Variants in CYREN observed in about 807,000 individuals in gnomAD.
CYREN encodes cell cycle regulator of NHEJ.
CYREN carries 7 observed loss-of-function variants against 9.7 expected under a neutral mutation model. The observed-to-expected ratio is 0.72, with a 90% CI of 0.41 to 1.36. The LOEUF is 1.36. CYREN is among the 40% of genes most tolerant of loss of function. CYREN has a pLI of 0.01. For synonymous variants in CYREN, 76 were observed against 77.9 expected (o/e 0.98, Z 0.13); for missense variants, 215 against 198.1 (o/e 1.09, Z -0.51).
chr7:135,129,052 G>A (rs1285649986), intron 2 of CYREN: 2 of 1,608,552 alleles, frequency 1.2e-6, no homozygotes, highest in Admixed American at 3.3e-5. Flanking sequence ...CAGGTTCAAT[G>A]CCTCAACTGC....
intron 2 of CYREN, chr7:135,168,070 GATGGCCGCCTCTGAAACACACAC>G: frequency 1.9e-6 from 1 of 529,056 alleles, no homozygotes; most frequent in Non-Finnish European, 3.4e-6. Flanking sequence ...AGTAGGGAAG[GATGGCCGCCTCTGAAACACACAC>G]ATGGATGCAA....
intron 2 of CYREN, among the ~76,000 whole-genome samples, chr7:135,125,634 G>A (rs1450363090): frequency 6.6e-6 from 1 of 152,124 alleles, no homozygotes; most frequent in East Asian, 1.9e-4. Context: ...ACATCAATAC[G>A]AAAATCCTCA....
intron 1 of CYREN, 159 bp downstream of exon 1, chr7:135,170,493 C>G (rs961892754): frequency 6.6e-6 from 1 of 152,374 alleles, no homozygotes; most frequent in Non-Finnish European, 1.5e-5. Context: ...CCGGGCAGGG[C>G]TGCAACGGCT....
intron 2 of CYREN, among the ~76,000 whole-genome samples, chr7:135,144,961 A>C (rs1252220856): frequency 6.8e-6 from 1 of 147,974 alleles, no homozygotes; most frequent in African/African-American, 2.5e-5. Flanking sequence ...AAAAAAAAAA[A>C]AAAAAAAAGA....
chr7:135,116,105 T>C (rs1413703392), intron 2 of CYREN, among the ~76,000 whole-genome samples: 1 of 152,190 alleles, frequency 6.6e-6, no homozygotes, highest in African/African-American at 2.4e-5. Flanking sequence ...CTGAAAATAA[T>C]AAATACAATA....
chr7:135,136,375 T>C (rs1013566815), intron 2 of CYREN, among the ~76,000 whole-genome samples: 1 of 152,102 alleles, frequency 6.6e-6, no homozygotes, highest in Non-Finnish European at 1.5e-5. Context: ...TAAAGGACCA[T>C]GACCATAGAT....
In CYREN at chr7:135,145,721, G is replaced by A. The variant is rs922024202; in HGVS notation, n.356+23028C>T. Among the ~76,000 whole-genome samples the A allele has an allele frequency of 4.6e-5, 7 of 152,238 alleles. No homozygotes were observed. The East Asian group carries it at 1.4e-3, about 29-fold the overall frequency. ...AAAAGTAATCTTAATTTTCTACATG[G>A]CTCAGCTGCTGTAAATGGTATTTAC... On this transcript the variant is annotated intron_variant and non_coding_transcript_variant, in intron 2 of 2. Transcript: ENST00000459937.
downstream of CYREN, chr7:135,165,484 G>A (rs1385605509): frequency 5.9e-6 from 1 of 170,314 alleles, no homozygotes; most frequent in Non-Finnish European, 1.4e-5. Context: ...GCCCACCATA[G>A]TGAGTGGGCC....
intron 2 of CYREN, among the ~76,000 whole-genome samples, chr7:135,104,646 T>C (rs1188080225): frequency 1.3e-5 from 2 of 152,238 alleles, no homozygotes; most frequent in South Asian, 2.1e-4. Flanking sequence ...TGGTATCTCA[T>C]TGTGGTTTTG....
downstream of CYREN, among the ~76,000 whole-genome samples, chr7:135,161,346 G>A (rs1267983791): frequency 6.6e-6 from 1 of 152,028 alleles, no homozygotes; most frequent in Non-Finnish European, 1.5e-5. The surrounding 1 kb of genome is among the most constrained non-coding windows in gnomAD (Gnocchi z 4.1). Flanking sequence ...AATTTTTTTT[G>A]GAACCCCAGT....
At chr7:135,097,818 T>C (rs1020469522) in intron 2 of CYREN, among the ~76,000 whole-genome samples, 11 of 152,066 alleles carry the variant, frequency 7.2e-5, no homozygotes, top group African/African-American at 2.7e-4. Context: ...AAAAATGACA[T>C]TTGGGAAGAA....
intron 2 of CYREN, among the ~76,000 whole-genome samples, chr7:135,112,925 C>T (rs563852277): frequency 4.6e-5 from 7 of 152,184 alleles, no homozygotes; most frequent in African/African-American, 1.7e-4. Context: ...TTACAGAACT[C>T]GCCACCATGC....
chr7:135,148,555 G>T (rs1373207965), intron 2 of CYREN, among the ~76,000 whole-genome samples: 2 of 152,190 alleles, frequency 1.3e-5, no homozygotes, highest in Non-Finnish European at 2.9e-5. Flanking sequence ...AACGATGCAG[G>T]GCTGACTGCA....
At chr7:135,125,402 A>T (rs1482093296) in intron 2 of CYREN, among the ~76,000 whole-genome samples, 1 of 152,186 alleles carries the variant, frequency 6.6e-6, no homozygotes, top group Admixed American at 6.5e-5. Context: ...AATAATTAAT[A>T]GCCTACCAAG....
At chr7:135,167,506 C>T (rs1830254154) in intron 3 of CYREN, 1 of 1,411,888 alleles carries the variant, frequency 7.1e-7, no homozygotes, top group African/African-American at 1.4e-5. Context: ...CCCTCCCTAA[C>T]ACACGCATGC....
intron 2 of CYREN, chr7:135,148,142 T>A (rs1463601115): frequency 2.2e-6 from 1 of 452,458 alleles, no homozygotes; most frequent in Admixed American, 2.5e-5. Context: ...TGCCTGCCAT[T>A]TCCCTTCCAC....
chr7:135,155,955 G>A (rs1829781763), intron 2 of CYREN, among the ~76,000 whole-genome samples: 1 of 152,116 alleles, frequency 6.6e-6, no homozygotes, highest in South Asian at 2.1e-4. Context: ...GCATTTGCTT[G>A]TATGGGAAGG....
chr7:135,138,974 T>C lies in CYREN; in HGVS notation n.356+29775A>G, dbSNP rs185881573. Among the ~76,000 whole-genome samples, 15 of 152,266 alleles carry C rather than the reference T, an allele frequency of 9.9e-5. No homozygotes were observed. The East Asian group carries it at 2.7e-3, about 27-fold the overall frequency. On this transcript the variant is annotated intron_variant and non_coding_transcript_variant, in intron 2 of 2. Coordinates refer to the CYREN transcript ENST00000459937. ...ATTCTATGGTATATGTGTACCACAT[T>C]TTCTTTATTCAGTCCACCATTGATG...
At position 135,166,429 on chromosome 7, in the gene CYREN, A is replaced by G. The variant is rs1830137407; in HGVS notation, c.*182T>C. 1 of 885,658 alleles carries G rather than the reference A, an allele frequency of 1.1e-6. No homozygotes were observed. The highest frequency in any genetic ancestry group is 2.7e-5 in the East Asian group (1 of 37,370). The allele number at this position is 885,658 out of a possible 1,614,324, so 54.9% of individuals were successfully genotyped here. Reference sequence around the variant, plus strand: ...CTGCCTTCCGCACACTCAGAACGGCAGCCCCAAGGCCCGGAGTGTCCAGGG... The same window carrying G: ...CTGCCTTCCGCACACTCAGAACGGCGGCCCCAAGGCCCGGAGTGTCCAGGG... On this transcript the variant is annotated 3_prime_UTR_variant, in exon 4 of 4. Transcript: ENST00000393114.
Sources: allele counts gnomAD v4.1 joint callset (sites outside exome capture counted in the v4.1 genomes callset), GRCh38; gene constraint gnomAD v4.1.1; non-coding constraint Gnocchi (gnomAD v3.1); transcripts MANE v1.5; gene names NCBI Gene and HGNC (gene_info 2026-07-23, HGNC 2026-07-21).